KLRD1: variants seen among roughly 807,000 people sequenced by gnomAD.
KLRD1 encodes the protein natural killer cells antigen CD94.
In KLRD1, 21 loss-of-function variants were observed where a neutral mutation model predicts 22.6. That is an observed-to-expected ratio of 0.93 (90% CI 0.66 to 1.34). The LOEUF (loss-of-function observed/expected upper bound fraction) is 1.34. Ranked by LOEUF, KLRD1 falls within the 40% of genes most tolerant of loss-of-function variation. The pLI, the probability that KLRD1 is intolerant of heterozygous loss-of-function variation, is 0.00. For missense variants in KLRD1, 183 were observed against 208.6 expected, an observed-to-expected ratio of 0.88 and a Z score of 0.76; for synonymous variants, 59 against 71.1, an observed-to-expected ratio of 0.83 and a Z score of 0.85.
Position 10,319,358 on chromosome 12 carries a change from T to C in KLRD1, c.*4565T>C, listed in dbSNP as rs992973438. On this transcript the variant is annotated 3_prime_UTR_variant, in exon 6 of 6. Coordinates refer to ENST00000336164, the MANE Select transcript of KLRD1 (RefSeq NM_002262.5). ...CTGTGTTCATTTTAAAGGGTGACAA[T>C]CTACAAATTATGTGTTATAGACAAG... 5.9e-5 allele frequency: 9 copies of C among 152,240 alleles called. No homozygotes were observed. Among genetic ancestry groups the C allele is most frequent in the Non-Finnish European group, 1.0e-4 (7 of 68,038 alleles). 9.4% of individuals were successfully genotyped at this position (152,240 alleles called of 1,614,324 possible).
At chr12:10,306,936 A>G (rs534833724), upstream of KLRD1, among the ~76,000 whole-genome samples, 5 of 152,342 alleles carry the variant, frequency 3.3e-5, no homozygotes, top group South Asian at 1.0e-3. Context: ...TAATGCTTGA[A>G]CATAAACAAT....
chr12:10,246,249 T>C (rs1949289688), intron 1 of KLRD1, among the ~76,000 whole-genome samples: 1 of 151,978 alleles, frequency 6.6e-6, no homozygotes. Context: ...AATGCAGAAA[T>C]TGTGGGGATT....
intron 1 of KLRD1, among the ~76,000 whole-genome samples, chr12:10,288,067 CAAAAA>C (rs35335784): frequency 2.2e-5 from 2 of 92,946 alleles, no homozygotes; most frequent in Non-Finnish European, 4.4e-5. Context: ...GACTCTGTCT[CAAAAA>C]AAAAAAAAAA....
At chr12:10,310,019 A>C (rs1193716060) in intron 3 of KLRD1, among the ~76,000 whole-genome samples, 1 of 152,232 alleles carries the variant, frequency 6.6e-6, no homozygotes, top group Non-Finnish European at 1.5e-5. Context: ...ATTTGCTTAT[A>C]ACCTATACTT....
Position 10,320,201 on chromosome 12 carries a change from A to T in KLRD1, c.*5408A>T, listed in dbSNP as rs1414786087. ...TATTCTTTTAAGTCACTAAATATTA[A>T]CGTGTCACATAGCAATAATCAATAC... On this transcript the variant is annotated 3_prime_UTR_variant, in exon 6 of 6. Transcript: ENST00000336164. The T allele has an allele frequency of 6.6e-6, 1 of 151,798 alleles. No homozygotes were observed. Among genetic ancestry groups the T allele is most frequent in the African/African-American group, 2.4e-5 (1 of 41,364 alleles). The allele number at this position is 151,798 out of a possible 1,614,324, so 9.4% of individuals were successfully genotyped here. A position where few individuals can be genotyped will look rare whatever the true frequency, so the allele number is the denominator to read the frequency against.
intron 1 of KLRD1, among the ~76,000 whole-genome samples, chr12:10,258,333 G>A (rs780295048): frequency 2.6e-5 from 4 of 152,072 alleles, no homozygotes; most frequent in Non-Finnish European, 5.9e-5. Context: ...CATTTGTGGT[G>A]TTTTTATTAT....
intron 1 of KLRD1, among the ~76,000 whole-genome samples, chr12:10,259,317 A>G (rs1949427223): frequency 6.6e-6 from 1 of 152,196 alleles, no homozygotes; most frequent in Non-Finnish European, 1.5e-5. Flanking sequence ...TTCCTCCATC[A>G]TCATCATAGT....
intron 1 of KLRD1, among the ~76,000 whole-genome samples, chr12:10,294,786 C>G (rs1949807932): frequency 6.6e-6 from 1 of 152,130 alleles, no homozygotes; most frequent in African/African-American, 2.4e-5. Flanking sequence ...TATCCACTGC[C>G]CAGGGTAATT....
At chr12:10,281,221 A>AACC (rs1166299479) in intron 1 of KLRD1, among the ~76,000 whole-genome samples, 3 of 152,170 alleles carry the variant, frequency 2.0e-5, no homozygotes, top group African/African-American at 4.8e-5. Context: ...GGAAAGACAA[A>AACC]ACCACAAGTG....
At chr12:10,245,587 C>G (rs991458339) in intron 1 of KLRD1, among the ~76,000 whole-genome samples, 1 of 152,060 alleles carries the variant, frequency 6.6e-6, no homozygotes, top group Non-Finnish European at 1.5e-5. Context: ...CCTGTACATA[C>G]TATTGTATAT....
At chr12:10,253,274 C>T (rs1011633180) in intron 1 of KLRD1, among the ~76,000 whole-genome samples, 11 of 152,162 alleles carry the variant, frequency 7.2e-5, no homozygotes, top group Admixed American at 2.0e-4. Context: ...TTTAGGCGTA[C>T]GTTGGGCCCC....
In KLRD1 at chr12:10,317,107, A is replaced by G. The variant is rs1236515484; in HGVS notation, c.*2314A>G. On this transcript the variant is annotated 3_prime_UTR_variant, in exon 6 of 6. Coordinates refer to ENST00000336164, the MANE Select transcript of KLRD1 (RefSeq NM_002262.5). The stretch of plus-strand genomic sequence containing the variant: ...CTTCATCCATGTCGCTGCAAAGGAC[A>G]TGAACTCATTCTTTTTATGGCTGCA... 6.6e-6 allele frequency: 1 copy of G among 152,228 alleles called. No homozygotes were observed. Among genetic ancestry groups the G allele is most frequent in the East Asian group, 1.9e-4 (1 of 5,194 alleles). The allele number at this position is 152,228 out of a possible 1,614,324, so 9.4% of individuals were successfully genotyped here. A position where few individuals can be genotyped will look rare whatever the true frequency, so the allele number is the denominator to read the frequency against.
At chr12:10,280,294 T>G (rs530581106) in intron 1 of KLRD1, among the ~76,000 whole-genome samples, 1 of 152,184 alleles carries the variant, frequency 6.6e-6, no homozygotes, top group African/African-American at 2.4e-5. Context: ...CTCTTTTCCT[T>G]TCTGAAGAAA....
chr12:10,293,284 AT>A (rs1949794249), intron 1 of KLRD1, among the ~76,000 whole-genome samples: 2 of 150,778 alleles, frequency 1.3e-5, no homozygotes, highest in South Asian at 4.2e-4. Flanking sequence ...CTTTCGGCCT[AT>A]GTGGGCTTTC....
At chr12:10,296,061 AATATT>A (rs1349558808) in intron 1 of KLRD1, among the ~76,000 whole-genome samples, 3 of 152,236 alleles carry the variant, frequency 2.0e-5, no homozygotes, top group Non-Finnish European at 4.4e-5. Context: ...CATGTAGAGT[AATATT>A]AGAGATAATC....
intron 1 of KLRD1, among the ~76,000 whole-genome samples, chr12:10,269,888 T>G (rs2137642022): frequency 6.6e-6 from 1 of 152,334 alleles, no homozygotes; most frequent in Non-Finnish European, 1.5e-5. Context: ...GCAAGCAATA[T>G]GCAGATTCAG....
chr12:10,279,439 G>A (rs78007661), intron 1 of KLRD1, among the ~76,000 whole-genome samples: 1,817 of 152,208 alleles, frequency 0.012, 37 homozygotes, highest in African/African-American at 0.042. Context: ...ATGCCTGAAT[G>A]TGTTTTCTGG....
At chr12:10,282,183 G>C (rs1210990586) in intron 1 of KLRD1, among the ~76,000 whole-genome samples, 1 of 151,214 alleles carries the variant, frequency 6.6e-6, no homozygotes, top group East Asian at 1.9e-4. Context: ...TTTAATGTCA[G>C]CATTATATAA....
rs1950317248 is a variant in KLRD1 at position 10,322,105 on chromosome 12, G to GTGGCTT, written c.*7312_*7313insTGGCTT. ...TCTGTCACCCAGGCTGGAGTGCAGT[G>GTGGCTT]GCACAGTCTTGGCTCACTGCAACCT... On this transcript the variant is annotated 3_prime_UTR_variant, in exon 6 of 6. Coordinates refer to ENST00000336164, the MANE Select transcript of KLRD1 (RefSeq NM_002262.5). 6.6e-6 allele frequency: 1 copy of GTGGCTT among 152,362 alleles called. No individual in the cohort carries two copies. The highest frequency in any genetic ancestry group is 1.5e-5 in the Non-Finnish European group (1 of 68,158). The allele number at this position is 152,362 out of a possible 1,614,324, so 9.4% of individuals were successfully genotyped here.
Sources: allele counts gnomAD v4.1 joint callset (sites outside exome capture counted in the v4.1 genomes callset), GRCh38; gene constraint gnomAD v4.1.1; transcripts MANE v1.5; gene names NCBI Gene and HGNC (gene_info 2026-07-23, HGNC 2026-07-21).